TSPAN11: variants seen among roughly 807,000 people sequenced by gnomAD.
The protein encoded by TSPAN11 is tetraspanin-11.
Under a neutral mutation model 32.9 loss-of-function variants are expected in TSPAN11, and 29 were observed. That is an observed-to-expected ratio of 0.88 (90% CI 0.66 to 1.20). The LOEUF (loss-of-function observed/expected upper bound fraction) is 1.20, where lower values mean the gene tolerates loss of function less well. TSPAN11 is among the 50% of genes most tolerant of loss of function. The probability of loss-of-function intolerance (pLI) is 0.00; values close to 1 mark genes in which losing one functional copy is unlikely to be tolerated. For synonymous variants in TSPAN11, 140 were observed against 141.3 expected (o/e 0.99, Z 0.07); for missense variants, 283 against 329.1 (o/e 0.86, Z 1.08).
At chr12:30,983,887 T>A (rs961072249) in intron 7 of TSPAN11, among the ~76,000 whole-genome samples, 2 of 152,186 alleles carry the variant, frequency 1.3e-5, no homozygotes, top group Non-Finnish European at 1.5e-5. Context: ...GAATTGAGCA[T>A]CCATGGATTT....
Position 30,941,069 on chromosome 12 carries a change from G to A in TSPAN11, c.-11-12912G>A, listed in dbSNP as rs118117446. On this transcript the variant is annotated intron_variant, in intron 1 of 7. Transcript: ENST00000546076. ...CAGTCCCTGGTGCCAAAAAGGTTGGGGACCGCTGTTACAAGGTACAGTTGA... is the reference window on the plus strand; with the variant it reads ...CAGTCCCTGGTGCCAAAAAGGTTGGAGACCGCTGTTACAAGGTACAGTTGA... 6.4e-3 allele frequency among the ~76,000 whole-genome samples: 974 copies of A among 152,268 alleles called. 5 individuals carry two copies. The highest frequency in any genetic ancestry group is 0.011 in the Non-Finnish European group (772 of 68,010).
In TSPAN11 at chr12:30,979,643, C is replaced by T. The variant is rs373232812; in HGVS notation, c.429C>T (p.Thr143=). The change falls in exon 5 of 8, where the codon ACC becomes ACT. Residue 143 remains threonine, a synonymous_variant. Coordinates refer to ENST00000546076, the MANE Select transcript of TSPAN11 (RefSeq NM_001370302.1). ...GGCAGCCCGGAGCCACGCAGATCAC[C>T]GCCTCAGTGGACCGACTCCAGCAGG... ...NYGQPGATQI[T]ASVDRLQQDF... 10 of 1,614,064 alleles carry T rather than the reference C, an allele frequency of 6.2e-6. No homozygotes were observed. The highest frequency in any genetic ancestry group is 4.5e-5 in the East Asian group (2 of 44,894).
chr12:30,975,881 T>C lies in TSPAN11; in HGVS notation c.277-2680T>C, dbSNP rs1209578268. On this transcript the variant is annotated intron_variant, in intron 3 of 7. Coordinates refer to ENST00000546076, the MANE Select transcript of TSPAN11 (RefSeq NM_001370302.1). This position sits in a 1 kb window ranked among gnomAD's most constrained non-coding sequence, Gnocchi z 4.5. ...CTTCCTCCCATGCCCCAGAGGTCTC[T>C]GGGAGCCACTGGCATCAATGCCTTC... 6.6e-6 allele frequency among the ~76,000 whole-genome samples: 1 copy of C among 152,192 alleles called. No homozygotes were observed. Among genetic ancestry groups the C allele is most frequent in the Admixed American group, 6.5e-5 (1 of 15,284 alleles).
intron 1 of TSPAN11, among the ~76,000 whole-genome samples, chr12:30,943,066 GT>G (rs1490315638): frequency 2.0e-5 from 3 of 152,188 alleles, no homozygotes; most frequent in Non-Finnish European, 4.4e-5. Context: ...CCTCCAGAGG[GT>G]TCTCCAAGCA....
At chr12:30,991,227 C>T (rs923847992) in intron 7 of TSPAN11, among the ~76,000 whole-genome samples, 1 of 152,168 alleles carries the variant, frequency 6.6e-6, no homozygotes, top group Admixed American at 6.5e-5. Flanking sequence ...ACAGGGTGAG[C>T]TCACCAGCTC....
Position 30,963,945 on chromosome 12 carries a change from C to A in TSPAN11, c.204C>A (p.Gly68=), listed in dbSNP as rs139417635. The change falls in exon 3 of 8, where the codon GGC becomes GGA. Residue 68 remains glycine, a synonymous_variant. Coordinates refer to ENST00000546076, the MANE Select transcript of TSPAN11 (RefSeq NM_001370302.1). ...CCGCCTACATCCTCATCTTTGCGGG[C>A]GTACTTGTCATGGTGACCGGCTTCC... ...AASAYILIFA[G]VLVMVTGFLG... 7 of 1,614,090 alleles carry A rather than the reference C, an allele frequency of 4.3e-6. No individual in the cohort carries two copies. The highest frequency in any genetic ancestry group is 5.9e-6 in the Non-Finnish European group (7 of 1,180,032).
rs1340089736 is a variant in TSPAN11 at position 30,996,048 on chromosome 12, G to GA, written c.*4133_*4134insA. ...GAGATTCCCGACTCGCTCCACCATT[G>GA]GGGGCTAGGAGTGAAGCGTGTCACC... On this transcript the variant is annotated 3_prime_UTR_variant, in exon 8 of 8. Transcript: ENST00000546076. 10 of 152,260 alleles carry GA rather than the reference G, an allele frequency of 6.6e-5. No individual in the cohort carries two copies. Among genetic ancestry groups the GA allele is most frequent in the Admixed American group, 3.9e-4 (6 of 15,284 alleles). The allele number at this position is 152,260 out of a possible 1,614,324, so 9.4% of individuals were successfully genotyped here.
rs1320962017 is a variant in TSPAN11, at chr12:30,995,281, G to A, written c.*3366G>A. On this transcript the variant is annotated 3_prime_UTR_variant, in exon 8 of 8. Coordinates refer to ENST00000546076, the MANE Select transcript of TSPAN11 (RefSeq NM_001370302.1). ...ACCCCTCAGGTCACACCCACTCCCA[G>A]AGCAACCCTGGGCAGGGAGGGGCAC... The A allele has an allele frequency of 6.6e-6, 1 of 152,354 alleles. No individual in the cohort carries two copies. Among genetic ancestry groups the A allele is most frequent in the East Asian group, 1.9e-4 (1 of 5,196 alleles). The allele number at this position is 152,354 out of a possible 1,614,324, so 9.4% of individuals were successfully genotyped here.
chr12:30,991,155 C>T (rs1018070127), intron 7 of TSPAN11, among the ~76,000 whole-genome samples: 2 of 152,214 alleles, frequency 1.3e-5, no homozygotes, highest in African/African-American at 4.8e-5. Flanking sequence ...TGGATACCGA[C>T]AGAAGGGCTG....
intron 1 of TSPAN11, among the ~76,000 whole-genome samples, chr12:30,944,656 G>A (rs2140277759): frequency 6.6e-6 from 1 of 152,378 alleles, no homozygotes; most frequent in African/African-American, 2.4e-5. Context: ...TGGATAAAGA[G>A]AATGTGTATA....
chr12:30,995,169 C>T lies in TSPAN11; in HGVS notation c.*3254C>T, dbSNP rs937329759. 1.3e-5 allele frequency: 2 copies of T among 152,480 alleles called. No homozygotes were observed. The highest frequency in any genetic ancestry group is 4.8e-5 in the African/African-American group (2 of 41,474). 9.4% of individuals were successfully genotyped at this position (152,480 alleles called of 1,614,324 possible). A position where few individuals can be genotyped will look rare whatever the true frequency, so the allele number is the denominator to read the frequency against. On this transcript the variant is annotated 3_prime_UTR_variant, in exon 8 of 8. Transcript: ENST00000546076. ...CCCAGCCCGTCACCCCAGGTACAAA[C>T]ACTGACCCCAAAGCAAGAGCAGGGA...
chr12:30,962,308 G>A (rs948764318), intron 2 of TSPAN11, among the ~76,000 whole-genome samples: 2 of 152,200 alleles, frequency 1.3e-5, no homozygotes, highest in Non-Finnish European at 2.9e-5. Context: ...AAAACACAGA[G>A]TAGAGGAGCA....
chr12:30,976,663 C>T (rs919683765), intron 3 of TSPAN11, among the ~76,000 whole-genome samples: 1 of 152,182 alleles, frequency 6.6e-6, no homozygotes, highest in Non-Finnish European at 1.5e-5. Flanking sequence ...GGGAACATCC[C>T]CTTGTGGAAT....
intron 3 of TSPAN11, among the ~76,000 whole-genome samples, chr12:30,977,480 C>G (rs988160835): frequency 1.3e-5 from 2 of 152,218 alleles, no homozygotes; most frequent in Non-Finnish European, 2.9e-5. Context: ...GTGGCAGGTG[C>G]TCATGAGTCT....
the TSPAN11 span, among the ~76,000 whole-genome samples, chr12:31,011,225 C>T: frequency 1.3e-5 from 2 of 152,294 alleles, no homozygotes; most frequent in Admixed American, 1.3e-4. Flanking sequence ...GAAACCCCAT[C>T]TCTACTGAAA....
the TSPAN11 span, among the ~76,000 whole-genome samples, chr12:31,014,956 A>G: frequency 6.6e-6 from 1 of 152,366 alleles, no homozygotes; most frequent in East Asian, 1.9e-4. Context: ...GTCTTCCATC[A>G]GGGAGTTTTG....
chr12:30,928,023 A>G (rs1217815834), intron 1 of TSPAN11, among the ~76,000 whole-genome samples: 1 of 152,186 alleles, frequency 6.6e-6, no homozygotes, highest in Admixed American at 6.5e-5. Flanking sequence ...TAGGTGGCCC[A>G]GAGCTGTTTG....
At chr12:30,983,009 C>T in intron 6 of TSPAN11, 55 bp from the exon 7 acceptor site, 1 of 1,564,280 alleles carries the variant, frequency 6.4e-7, no homozygotes, top group South Asian at 1.2e-5. Context: ...CGCCCTCCGT[C>T]CCCACCCATG....
chr12:31,005,434 G>C, the TSPAN11 span, among the ~76,000 whole-genome samples: 3 of 152,342 alleles, frequency 2.0e-5, no homozygotes, highest in East Asian at 5.8e-4. Flanking sequence ...CCCCATGGGG[G>C]GAACAAAATG....
Sources: gnomAD v4.1 joint callset for allele counts (sites outside exome capture counted in the v4.1 genomes callset) on GRCh38, gnomAD v4.1.1 for gene constraint, Gnocchi (gnomAD v3.1) non-coding constraint, MANE v1.5 for transcripts, NCBI Gene and HGNC (gene_info 2026-07-23, HGNC 2026-07-21) for gene names.